The following MAN1B1 variants were observed in gnomAD, a reference collection of about 807,000 sequenced individuals.
The protein encoded by MAN1B1 is endoplasmic reticulum mannosyl-oligosaccharide 1,2-alpha-mannosidase.
In MAN1B1, 66 loss-of-function variants were observed where a neutral mutation model predicts 75.5. The observed-to-expected ratio is 0.87, with a 90% confidence interval of 0.72 to 1.07. The LOEUF (loss-of-function observed/expected upper bound fraction) is 1.07, where lower values mean the gene tolerates loss of function less well. Ranked by LOEUF, MAN1B1 falls within the 50% of genes least tolerant of loss-of-function variation. The pLI is 0.00. For synonymous variants in MAN1B1, 453 were observed against 382.8 expected, an observed-to-expected ratio of 1.18 and a Z score of -2.14; for missense variants, 973 against 912.5, an observed-to-expected ratio of 1.07 and a Z score of -0.85.
intron 3 of MAN1B1, chr9:137,094,327 A>G: frequency 2.3e-6 from 1 of 430,224 alleles, no homozygotes; most frequent in Non-Finnish European, 4.7e-6. Flanking sequence ...CGTAACGGTG[A>G]TTTTTAAGAC....
At chr9:137,107,980 G>T in intron 12 of MAN1B1, 1 of 625,496 alleles carries the variant, frequency 1.6e-6, no homozygotes, top group South Asian at 1.9e-5. Flanking sequence ...ACGCACCCAT[G>T]ACTGGGGCAC....
intron 8 of MAN1B1, chr9:137,103,530 A>G (rs1830975208): frequency 6.6e-6 from 3 of 451,754 alleles, no homozygotes; most frequent in Non-Finnish European, 8.9e-6. Flanking sequence ...CGGTGGTGTT[A>G]CATTCACGCT....
chr9:137,094,167 A>G (rs999844640), intron 3 of MAN1B1, among the ~76,000 whole-genome samples: 2 of 151,584 alleles, frequency 1.3e-5, no homozygotes, highest in Non-Finnish European at 2.9e-5. Flanking sequence ...GGGATGTGCC[A>G]CCACGCCCGG....
chr9:137,099,637 C>T (rs1220719150), intron 5 of MAN1B1, 59 bp from the exon 6 acceptor site: 12 of 1,560,052 alleles, frequency 7.7e-6, no homozygotes, highest in South Asian at 6.7e-5. Flanking sequence ...TGAGGGTGTC[C>T]ATCTGTGCCG....
intron 5 of MAN1B1, among the ~76,000 whole-genome samples, chr9:137,098,728 G>A (rs966118515): frequency 1.3e-5 from 2 of 152,124 alleles, no homozygotes; most frequent in East Asian, 1.9e-4. Context: ...AATGTTGGCC[G>A]GGCGTGGTGG....
In MAN1B1 at chr9:137,093,601, C is replaced by A. The variant is rs937149149; in HGVS notation, c.466-2636C>A. On this transcript the variant is annotated intron_variant, in intron 3 of 12. Coordinates refer to ENST00000371589, the MANE Select transcript of MAN1B1 (RefSeq NM_016219.5). ...ATCCCAACACTTTGGGAGGCTGAAG[C>A]GGGTGGATCACAAGGTCAGGAGATT... Among the ~76,000 whole-genome samples, 4 of 152,166 alleles carry A rather than the reference C, an allele frequency of 2.6e-5. No homozygotes were observed. In the South Asian group the frequency reaches 6.2e-4, roughly 24 times the overall value.
intron 8 of MAN1B1, 122 bp from the exon 9 acceptor site, chr9:137,106,001 GCT>G (rs753724424): frequency 8.2e-5 from 65 of 791,896 alleles, no homozygotes; most frequent in Admixed American, 8.0e-4. Flanking sequence ...TGGGCACAGA[GCT>G]CTCTCTGCTG....
chr9:137,106,740 G>A lies in MAN1B1; in HGVS notation c.1497G>A (p.Leu499=). The change falls in exon 10 of 13, where the codon CTG becomes CTA. Residue 499 remains leucine, a synonymous_variant. Transcript: ENST00000371589. ...EAIEGVRTHL[L]RHSEPSKLTF... The stretch of plus-strand genomic sequence containing the variant: ...TCGAGGGTGTCAGAACGCACCTGCT[G>A]CGGCACTCCGAGCCCAGTAAGCTCA... The A allele has an allele frequency of 6.2e-7, 1 of 1,613,532 alleles. No individual in the cohort carries two copies. Among genetic ancestry groups the A allele is most frequent in the South Asian group, 1.1e-5 (1 of 91,090 alleles).
At chr9:137,092,989 T>C (rs1255470138) in intron 3 of MAN1B1, among the ~76,000 whole-genome samples, 1 of 152,230 alleles carries the variant, frequency 6.6e-6, no homozygotes, top group African/African-American at 2.4e-5. Flanking sequence ...GTTAGAATAT[T>C]TCATCCTTTA....
At position 137,107,651 on chromosome 9, in the gene MAN1B1, C is replaced by G. The variant is rs769419633; in HGVS notation, c.1885C>G (p.Arg629Gly). The G allele has an allele frequency of 1.9e-6, 3 of 1,609,616 alleles. No individual in the cohort carries two copies. The East Asian group carries it at 6.7e-5, about 36-fold the overall frequency. Residue 629 changes from arginine (R) to glycine (G), a missense_variant, in exon 12 of 13, where the codon CGA (arginine) becomes GGA (glycine). By Grantham distance (125) the Arg-to-Gly change is moderately radical (BLOSUM62 -2). Coordinates refer to ENST00000371589, the MANE Select transcript of MAN1B1 (RefSeq NM_016219.5). ...WGWEILQSFS[R>G]FTRVPSGGYS... ...CTGGGAGATTCTGCAGAGCTTCAGC[C>G]GATTCACACGGGTGAGCACCTGTCC... is the stretch of plus-strand genomic sequence containing the variant.
At position 137,106,773 on chromosome 9, in the gene MAN1B1, G is replaced by C. The variant is rs200669684; in HGVS notation, c.1530G>C (p.Val510=). Residue 510 remains valine, a synonymous_variant, in exon 10 of 13, where the codon GTG becomes GTC. Transcript: ENST00000371589. ...CCGAGCCCAGTAAGCTCACCTTTGT[G>C]GGGGAGCTTGCCCACGGCCGCTTCA... is the stretch of plus-strand genomic sequence containing the variant. ...RHSEPSKLTF[V]GELAHGRFSA... 15 of 1,613,344 alleles carry C rather than the reference G, an allele frequency of 9.3e-6. No homozygotes were observed. The highest frequency in any genetic ancestry group is 4.4e-5 in the South Asian group (4 of 91,088).
chr9:137,102,837 T>A, intron 8 of MAN1B1: 1 of 362,496 alleles, frequency 2.8e-6, no homozygotes, highest in African/African-American at 4.0e-5. Context: ...GTTACACACA[T>A]TCACACTGTT....
intron 8 of MAN1B1, chr9:137,103,181 C>T (rs1588628668): frequency 1.7e-5 from 5 of 291,698 alleles, no homozygotes; most frequent in Admixed American, 3.9e-5. Flanking sequence ...GTCGGTGGTA[C>T]ACACATTCAC....
At chr9:137,099,558 C>G in intron 5 of MAN1B1, 138 bp from the exon 6 acceptor site, 1 of 905,642 alleles carries the variant, frequency 1.1e-6, no homozygotes, top group Non-Finnish European at 1.8e-6. Flanking sequence ...CTGTGCCCAC[C>G]ACCGCCCTTC....
At chr9:137,099,141 A>G (rs1830737712) in intron 5 of MAN1B1, among the ~76,000 whole-genome samples, 1 of 152,168 alleles carries the variant, frequency 6.6e-6, no homozygotes, top group Admixed American at 6.5e-5. Flanking sequence ...AAAAAATTTA[A>G]AAAAAGGGAA....
rs1469502080 is a variant in MAN1B1, at chr9:137,101,477, A to G, written c.1066-7A>G. On this transcript the variant is annotated splice_region_variant and splice_polypyrimidine_tract_variant and intron_variant, in intron 7 of 12. Transcript: ENST00000371589. The stretch of plus-strand genomic sequence containing the variant: ...AACGTTGGTTCTCTACTCTGCTCAT[A>G]TACCAGGAGGATTTTGGAAATCGGC... 1.2e-6 allele frequency: 2 copies of G among 1,613,714 alleles called. No individual in the cohort carries two copies. The highest frequency in any genetic ancestry group is 1.1e-5 in the South Asian group (1 of 91,034).
chr9:137,092,499 C>T (rs1830543446), intron 3 of MAN1B1, among the ~76,000 whole-genome samples: 1 of 150,812 alleles, frequency 6.6e-6, no homozygotes, highest in South Asian at 2.1e-4. Flanking sequence ...AGAATATTCC[C>T]TTTCATACAG....
rs1830804276 is a variant in MAN1B1, at chr9:137,101,344, C to T, written c.1066-140C>T. The T allele has an allele frequency of 1.0e-5, 11 of 1,078,344 alleles. No individual in the cohort carries two copies. The Admixed American group carries it at 2.0e-4, about 20-fold the overall frequency. 66.8% of individuals were successfully genotyped at this position (1,078,344 alleles called of 1,614,324 possible). On this transcript the variant is annotated intron_variant, in intron 7 of 12. Transcript: ENST00000371589. Reference sequence around the variant, plus strand: ...CACTGGCCTTGTAGAGACATTCACTCAGTGCAGAGTGATGCCCGTTTCCTT... The same window carrying T: ...CACTGGCCTTGTAGAGACATTCACTTAGTGCAGAGTGATGCCCGTTTCCTT...
At position 137,101,835 on chromosome 9, in the gene MAN1B1, C is replaced by T. The variant is rs575874589; in HGVS notation, c.1254+163C>T. On this transcript the variant is annotated intron_variant, in intron 8 of 12. Transcript: ENST00000371589. ...CACCTTAACCATTTCCAGGCGTGGT[C>T]GGTGGTGTTACATTCACGCTGTTGC... is the stretch of plus-strand genomic sequence containing the variant. 3.1e-5 allele frequency: 28 copies of T among 899,246 alleles called. No homozygotes were observed. In the East Asian group the frequency reaches 3.2e-4, roughly 10 times the overall value. The allele number at this position is 899,246 out of a possible 1,614,324, so 55.7% of individuals were successfully genotyped here.
Sources: allele counts gnomAD v4.1 joint callset (sites outside exome capture counted in the v4.1 genomes callset), GRCh38; gene constraint gnomAD v4.1.1; transcripts MANE v1.5; gene names NCBI Gene and HGNC (gene_info 2026-07-23, HGNC 2026-07-21).